Variants in SYNJ2 observed in about 807,000 individuals in gnomAD.
SYNJ2 encodes the protein polyphosphatidylinositol phosphatase SYNJ2.
A neutral mutation model predicts 141.3 loss-of-function variants in SYNJ2; 116 were observed. The observed-to-expected ratio is 0.82, with a 90% confidence interval of 0.71 to 0.96. The LOEUF (loss-of-function observed/expected upper bound fraction) is 0.96. Among genes scored for constraint, SYNJ2 ranks in the 40% least tolerant of loss-of-function variants. SYNJ2 has a pLI of 0.00. For synonymous variants in SYNJ2, 745 were observed against 777.7 expected, an observed-to-expected ratio of 0.96 and a Z score of 0.70; for missense variants, 1,873 against 1,934.8, an observed-to-expected ratio of 0.97 and a Z score of 0.60.
intron 1 of SYNJ2, 166 bp from the exon 2 acceptor site, chr6:158,017,038 T>C (rs1778489290): frequency 1.5e-6 from 2 of 1,335,142 alleles, no homozygotes; most frequent in South Asian, 4.0e-5. Flanking sequence ...AGCTCTGTGA[T>C]TCGCGAATCA....
chr6:158,077,448 C>G (rs1249994607), intron 17 of SYNJ2, among the ~76,000 whole-genome samples: 4 of 152,146 alleles, frequency 2.6e-5, no homozygotes, highest in African/African-American at 4.8e-5. Flanking sequence ...CATGCTCCCC[C>G]TCATGTTCTT....
chr6:158,096,745 T>C lies in SYNJ2; in HGVS notation c.*381T>C. On this transcript the variant is annotated 3_prime_UTR_variant, in exon 27 of 27. Transcript: ENST00000355585. ...TTTGTCTTTTGTTTTATTTGCATTTTACAGATTTGGTATAACATTTTGGGG... is the reference window on the plus strand; with the variant it reads ...TTTGTCTTTTGTTTTATTTGCATTTCACAGATTTGGTATAACATTTTGGGG... 6.1e-6 allele frequency: 1 copy of C among 164,016 alleles called. No individual in the cohort carries two copies. The highest frequency in any genetic ancestry group is 1.3e-5 in the Non-Finnish European group (1 of 76,072). 10.2% of individuals were successfully genotyped at this position (164,016 alleles called of 1,614,324 possible). A position where few individuals can be genotyped will look rare whatever the true frequency, so the allele number is the denominator to read the frequency against.
Position 158,083,506 on chromosome 6 carries a change from AC to A in SYNJ2, c.2944del (p.Arg982GlufsTer136). The A allele has an allele frequency of 1.2e-6, 2 of 1,614,138 alleles. No homozygotes were observed. Among genetic ancestry groups the A allele is most frequent in the Non-Finnish European group, 1.7e-6 (2 of 1,180,028 alleles). On this transcript the variant is annotated frameshift_variant, in exon 21 of 27. Transcript: ENST00000355585. LOFTEE classifies it high-confidence loss of function. The part of the protein sequence containing the change: ...KGLREEIIRK[R>X]DSMAPVSPTA... ...GTTTGCGAGAGGAGATCATTCGGAAACGAGACAGCATGGCCCCCGTGTCTCC... is the reference window on the plus strand; with the variant it reads ...GTTTGCGAGAGGAGATCATTCGGAAAGAGACAGCATGGCCCCCGTGTCTCC...
At chr6:158,073,938 T>A (rs1195160615) in intron 15 of SYNJ2, among the ~76,000 whole-genome samples, 1 of 151,596 alleles carries the variant, frequency 6.6e-6, no homozygotes, top group Admixed American at 6.6e-5. Context: ...GCTGGTGGTA[T>A]CTGCTTTGTG....
At chr6:158,005,366 C>T (rs1367215407) in intron 1 of SYNJ2, among the ~76,000 whole-genome samples, 2 of 152,188 alleles carry the variant, frequency 1.3e-5, no homozygotes, top group Non-Finnish European at 2.9e-5. Context: ...CGTGAGCCAC[C>T]ACGCCCGGCC....
chr6:158,017,980 G>A (rs967706500), intron 2 of SYNJ2, among the ~76,000 whole-genome samples: 4 of 152,232 alleles, frequency 2.6e-5, no homozygotes, highest in Non-Finnish European at 4.4e-5. Flanking sequence ...GTGCCAAGGC[G>A]GGTGGGTGAA....
rs1408774094 is a variant in SYNJ2 at position 158,070,282 on chromosome 6, G to A, written c.1940+609G>A. On this transcript the variant is annotated intron_variant, in intron 14 of 26. Coordinates refer to ENST00000355585, the MANE Select transcript of SYNJ2 (RefSeq NM_003898.4). This position sits in a 1 kb window ranked among gnomAD's most constrained non-coding sequence, Gnocchi z 4.0. ...GCTTTTGAATTTCCACCAGCCTTTC[G>A]GCGAGCTGGCAGCAGGCGTTGAACT... 1.0e-5 allele frequency: 10 copies of A among 985,434 alleles called. No individual in the cohort carries two copies. The highest frequency in any genetic ancestry group is 1.1e-4 in the East Asian group (1 of 8,802). 61.0% of individuals were successfully genotyped at this position (985,434 alleles called of 1,614,324 possible). A position where few individuals can be genotyped will look rare whatever the true frequency, so the allele number is the denominator to read the frequency against.
In SYNJ2 at chr6:157,982,122, G is replaced by A. The variant is rs1248654312; in HGVS notation, c.127+34G>A. On this transcript the variant is annotated intron_variant, in intron 1 of 26. Transcript: ENST00000355585. The surrounding 1 kb of genome is among the most constrained non-coding windows in gnomAD (Gnocchi z 4.0). ...GGGCCGGGGGCAGCGACGCCCGGAG[G>A]AGAGGGCGCCCGCATTCGCCCAGCC... 1.1e-5 allele frequency: 14 copies of A among 1,289,772 alleles called. No individual in the cohort carries two copies. The highest frequency in any genetic ancestry group is 1.4e-5 in the Non-Finnish European group (14 of 1,017,930). 79.9% of individuals were successfully genotyped at this position (1,289,772 alleles called of 1,614,324 possible).
chr6:157,998,863 G>A (rs1187881272), intron 1 of SYNJ2, among the ~76,000 whole-genome samples: 4 of 152,210 alleles, frequency 2.6e-5, no homozygotes, highest in East Asian at 3.8e-4. Context: ...TAGCCAGCAC[G>A]CAGATCTGGA....
Position 158,084,938 on chromosome 6 carries a change from G to A in SYNJ2, c.3208+764G>A, listed in dbSNP as rs1462211982. ...ATATTATTATACAGTCATGTCATACGGTCACATCATTGTATCATTTTAGAC... is the reference window on the plus strand; with the variant it reads ...ATATTATTATACAGTCATGTCATACAGTCACATCATTGTATCATTTTAGAC... On this transcript the variant is annotated intron_variant, in intron 22 of 26. Transcript: ENST00000355585. This position sits in a 1 kb window ranked among gnomAD's most constrained non-coding sequence, Gnocchi z 5.0. Among the ~76,000 whole-genome samples, 2 of 151,528 alleles carry A rather than the reference G, an allele frequency of 1.3e-5. No homozygotes were observed. Among genetic ancestry groups the A allele is most frequent in the African/African-American group, 4.9e-5 (2 of 41,180 alleles).
chr6:157,992,064 T>G (rs1026293722), intron 1 of SYNJ2, among the ~76,000 whole-genome samples: 2 of 152,224 alleles, frequency 1.3e-5, no homozygotes, highest in African/African-American at 4.8e-5. Flanking sequence ...ATGTAATATG[T>G]AATAACCACA....
chr6:158,076,695 G>C lies in SYNJ2; in HGVS notation c.2362G>C (p.Ala788Pro). The C allele has an allele frequency of 6.2e-7, 1 of 1,614,106 alleles. No individual in the cohort carries two copies. Among genetic ancestry groups the C allele is most frequent in the Non-Finnish European group, 8.5e-7 (1 of 1,180,018 alleles). Residue 788 changes from alanine (A) to proline (P), a missense_variant, in exon 17 of 27, where the codon GCC becomes CCC. Physicochemically the swap from Ala to Pro is conservative, Grantham distance 27. Coordinates refer to ENST00000355585, the MANE Select transcript of SYNJ2 (RefSeq NM_003898.4). The stretch of plus-strand genomic sequence containing the variant: ...CTACAAGTATGACGTTGGCTCAGCC[G>C]CCTACGATACAAGCGACAAATGCCG... ...PTYKYDVGSA[A>P]YDTSDKCRTP...
rs1185288305 is a variant in SYNJ2 at position 157,982,750 on chromosome 6, A to G, written c.127+662A>G. Among the ~76,000 whole-genome samples the G allele has an allele frequency of 6.6e-6, 1 of 152,222 alleles. No individual in the cohort carries two copies. The highest frequency in any genetic ancestry group is 2.4e-5 in the African/African-American group (1 of 41,454). The stretch of plus-strand genomic sequence containing the variant: ...TACGTGATCTCACTTAATTCTCACA[A>G]TTCTACTAAAAAGCTATTATTATCC... On this transcript the variant is annotated intron_variant, in intron 1 of 26. Coordinates refer to ENST00000355585, the MANE Select transcript of SYNJ2 (RefSeq NM_003898.4). The surrounding 1 kb of genome is among the most constrained non-coding windows in gnomAD (Gnocchi z 4.0).
intron 1 of SYNJ2, among the ~76,000 whole-genome samples, chr6:158,016,470 T>A (rs1778461485): frequency 6.6e-6 from 1 of 152,176 alleles, no homozygotes; most frequent in African/African-American, 2.4e-5. Flanking sequence ...TCATGTAGCA[T>A]AATGTTTTCA....
At chr6:158,052,536 G>A (rs1446852391) in intron 5 of SYNJ2, among the ~76,000 whole-genome samples, 53 of 152,212 alleles carry the variant, frequency 3.5e-4, no homozygotes, top group Non-Finnish European at 2.9e-5. Context: ...AGTCATGGTG[G>A]AAGAGGAAGG....
At position 157,982,087 on chromosome 6, in the gene SYNJ2, G is replaced by C. The variant is rs1427632016; in HGVS notation, c.126G>C (p.Leu42=). 1 of 1,333,034 alleles carries C rather than the reference G, an allele frequency of 7.5e-7. No individual in the cohort carries two copies. Among genetic ancestry groups the C allele is most frequent in the East Asian group, 3.1e-5 (1 of 32,188 alleles). The allele number at this position is 1,333,034 out of a possible 1,614,324, so 82.6% of individuals were successfully genotyped here. A position where few individuals can be genotyped will look rare whatever the true frequency, so the allele number is the denominator to read the frequency against. Residue 42 remains leucine (L), a splice_region_variant and synonymous_variant, in exon 1 of 27, where the codon CTG becomes CTC. Coordinates refer to ENST00000355585, the MANE Select transcript of SYNJ2 (RefSeq NM_003898.4). This position sits in a 1 kb window ranked among gnomAD's most constrained non-coding sequence, Gnocchi z 4.0. ...LLFEAGTVAT[L]APEEKEVIKG... ...TCGAGGCCGGCACGGTGGCCACGCT[G>C]GGTGAGTCCGGGCCGGGGGCAGCGA...
chr6:158,093,435 C>CAA lies in SYNJ2; in HGVS notation c.3744+344_3744+345dup, dbSNP rs1004076513. 2.5e-3 allele frequency among the ~76,000 whole-genome samples: 128 copies of CAA among 51,460 alleles called. 1 individual carries two copies. Among genetic ancestry groups the CAA allele is most frequent in the African/African-American group, 0.01 (123 of 12,150 alleles). The allele number at this position is 51,460 out of a possible 152,430, so 33.8% of individuals were successfully genotyped here. On this transcript the variant is annotated intron_variant, in intron 26 of 26. Coordinates refer to ENST00000355585, the MANE Select transcript of SYNJ2 (RefSeq NM_003898.4). ...TGAGCAGCAGAGTGAGACTCCACCT[C>CAA]AAAAAAAAAAAAAACAAAAAAAAAA...
chr6:158,003,581 G>T (rs771067126), intron 1 of SYNJ2, among the ~76,000 whole-genome samples: 6 of 152,346 alleles, frequency 3.9e-5, no homozygotes, highest in Non-Finnish European at 8.8e-5. Flanking sequence ...GTCTCGGGCT[G>T]TCTGCATTGT....
At position 158,071,579 on chromosome 6, in the gene SYNJ2, A is replaced by T. The variant is rs757492090; in HGVS notation, c.1941-23A>T. ...CACTTCTCCTTCAGGAGCCGACGGC[A>T]TGCGCGTATCCTTCTGTTCCAGGGA... On this transcript the variant is annotated intron_variant, in intron 14 of 26. Transcript: ENST00000355585. This position sits in a 1 kb window ranked among gnomAD's most constrained non-coding sequence, Gnocchi z 4.3. 15 of 1,605,930 alleles carry T rather than the reference A, an allele frequency of 9.3e-6. No individual in the cohort carries two copies. The South Asian group carries it at 1.6e-4, about 17-fold the overall frequency.
Sources: allele counts gnomAD v4.1 joint callset (sites outside exome capture counted in the v4.1 genomes callset), GRCh38; gene constraint gnomAD v4.1.1; non-coding constraint Gnocchi (gnomAD v3.1); transcripts MANE v1.5; gene names NCBI Gene and HGNC (gene_info 2026-07-23, HGNC 2026-07-21).